The following THOC3 variants were observed in gnomAD, a reference collection of about 807,000 sequenced individuals.
THOC3 encodes the protein TEX1 homolog.
Under a neutral mutation model 23.3 loss-of-function variants are expected in THOC3, and 4 were observed. The ratio of observed to expected loss-of-function variants is 0.17; its 90% CI spans 0.08 to 0.39. The LOEUF (loss-of-function observed/expected upper bound fraction) is 0.39, where lower values mean the gene tolerates loss of function less well. Ranked by LOEUF, THOC3 falls within the 10% of genes least tolerant of loss-of-function variation. The pLI is 1.00. For synonymous variants in THOC3, 27 were observed against 141.5 expected (o/e 0.19, Z 5.74); for missense variants, 64 against 359.4 (o/e 0.18, Z 6.65).
At chr5:175,964,235 C>T in intron 3 of THOC3, among the ~76,000 whole-genome samples, 1 of 152,266 alleles carries the variant, frequency 6.6e-6, no homozygotes, top group Non-Finnish European at 1.5e-5. Flanking sequence ...GGCAAATAAA[C>T]ATGCAATTAC....
intron 2 of THOC3, among the ~76,000 whole-genome samples, chr5:175,966,697 A>G (rs1030903705): frequency 4.7e-5 from 7 of 148,800 alleles, no homozygotes; most frequent in Non-Finnish European, 8.9e-5. Flanking sequence ...CAACCATTCT[A>G]ACTCATCAGA....
intron 2 of THOC3, among the ~76,000 whole-genome samples, chr5:175,966,536 TCA>T (rs1457097560): frequency 1.4e-4 from 19 of 135,786 alleles, no homozygotes; most frequent in Admixed American, 7.5e-4. Flanking sequence ...TTTGGGTGTA[TCA>T]CAGTTATTTA....
At chr5:175,962,123 T>C (rs1168244324) in intron 3 of THOC3, among the ~76,000 whole-genome samples, 2 of 151,658 alleles carry the variant, frequency 1.3e-5, no homozygotes, top group African/African-American at 2.4e-5. Flanking sequence ...ATGGAAAGAG[T>C]ATATGCAAAA....
At position 175,962,439 on chromosome 5, in the gene THOC3, C is replaced by CACACACACACAT. The variant is rs1756680236; in HGVS notation, c.630-1006_630-1005insATGTGTGTGTGT. Among the ~76,000 whole-genome samples, 18 of 91,858 alleles carry CACACACACACAT rather than the reference C, an allele frequency of 2.0e-4. No individual in the cohort carries two copies. In the South Asian group the frequency reaches 5.4e-3, roughly 27 times the overall value. The allele number at this position is 91,858 out of a possible 152,430, so 60.3% of individuals were successfully genotyped here. Reference sequence around the variant, plus strand: ...ATATATATACACACACACACACACACACACGTAATTCCTAGGCCAACCCAG... The same window carrying CACACACACACAT: ...ATATATATACACACACACACACACACACACACACACATACACGTAATTCCTAGGCCAACCCAG... On this transcript the variant is annotated intron_variant, in intron 3 of 5. Transcript: ENST00000265097.
chr5:175,965,280 T>C (rs1756744187), intron 2 of THOC3, 125 bp from the exon 3 acceptor site: 6 of 1,413,824 alleles, frequency 4.2e-6, no homozygotes, highest in Admixed American at 4.8e-5. Context: ...TCCTAGACAA[T>C]GGAAGGGAGC....
chr5:175,960,376 C>T (rs1333988447), intron 5 of THOC3: 8 of 245,580 alleles, frequency 3.3e-5, no homozygotes, highest in Admixed American at 1.5e-4. Flanking sequence ...AGTGTCTCCG[C>T]GTCACAGGGA....
intron 3 of THOC3, among the ~76,000 whole-genome samples, chr5:175,963,943 T>A (rs1257101518): frequency 1.3e-5 from 2 of 152,308 alleles, no homozygotes; most frequent in African/African-American, 2.4e-5. Context: ...CAACCCCCCA[T>A]ATAGTATGTC....
intron 3 of THOC3, among the ~76,000 whole-genome samples, chr5:175,964,240 A>G (rs1215998047): frequency 1.3e-5 from 2 of 152,258 alleles, no homozygotes; most frequent in South Asian, 2.1e-4. Context: ...ATAAACATGC[A>G]ATTACAATAT....
intron 3 of THOC3, among the ~76,000 whole-genome samples, chr5:175,963,087 C>G (rs1756697237): frequency 6.6e-6 from 1 of 151,760 alleles, no homozygotes; most frequent in Non-Finnish European, 1.5e-5. Context: ...AAAAAAAAAA[C>G]ACCTAACTGC....
At chr5:175,962,421 T>TACACACACACACACACACACAC (rs59077860) in intron 3 of THOC3, among the ~76,000 whole-genome samples, 33 of 44,178 alleles carry the variant, frequency 7.5e-4, no homozygotes, top group African/African-American at 2.2e-3. Flanking sequence ...TATATATATA[T>TACACACACACACACACACACAC]ACACACACAC....
chr5:175,962,158 T>A (rs1321768574), intron 3 of THOC3, among the ~76,000 whole-genome samples: 2 of 151,558 alleles, frequency 1.3e-5, no homozygotes, highest in East Asian at 3.8e-4. Flanking sequence ...TTGTTTCAAG[T>A]CATCACATTG....
In THOC3 at chr5:175,967,275, A is replaced by G; in HGVS notation, c.268-8T>C. ...ATAATTGTTTTCTTTGACCTGAAAG[A>G]ACAGAATCCAGATGTGACTTCACAT... On this transcript the variant is annotated splice_polypyrimidine_tract_variant and splice_region_variant and intron_variant, in intron 1 of 5. Coordinates refer to ENST00000265097, the MANE Select transcript of THOC3 (RefSeq NM_032361.4). 3.1e-6 allele frequency: 2 copies of G among 643,048 alleles called. No individual in the cohort carries two copies. The highest frequency in any genetic ancestry group is 5.5e-6 in the Non-Finnish European group (2 of 363,948). 39.8% of individuals were successfully genotyped at this position (643,048 alleles called of 1,614,324 possible).
At chr5:175,963,363 A>G (rs376022540) in intron 3 of THOC3, among the ~76,000 whole-genome samples, 4 of 152,300 alleles carry the variant, frequency 2.6e-5, no homozygotes, top group East Asian at 3.8e-4. Context: ...TACAAAAGAC[A>G]TATCAATTTT....
chr5:175,965,205 C>T, intron 2 of THOC3, 50 bp from the exon 3 acceptor site: 1 of 1,612,406 alleles, frequency 6.2e-7, no homozygotes, highest in Non-Finnish European at 8.5e-7. Context: ...TCATAATCTT[C>T]CACAAGTTTA....
intron 3 of THOC3, among the ~76,000 whole-genome samples, chr5:175,963,016 A>T (rs1756695641): frequency 6.6e-6 from 1 of 152,384 alleles, no homozygotes; most frequent in African/African-American, 2.4e-5. Flanking sequence ...CAGGCGTAAC[A>T]ATTACAAGAG....
In THOC3 at chr5:175,965,663, G is replaced by T. The variant is rs1756751847; in HGVS notation, c.425-508C>A. Among the ~76,000 whole-genome samples the T allele has an allele frequency of 4.6e-5, 7 of 152,320 alleles. No individual in the cohort carries two copies. In the South Asian group the frequency reaches 1.4e-3, roughly 32 times the overall value. On this transcript the variant is annotated intron_variant, in intron 2 of 5. Coordinates refer to ENST00000265097, the MANE Select transcript of THOC3 (RefSeq NM_032361.4). ...GATGGTCTCGATCTCCTGACCTCGT[G>T]ATCCGCCCGCCTCGGCCTCCCAAAG...
Position 175,967,979 on chromosome 5 carries a change from T to A in THOC3, c.230A>T (p.Lys77Met), listed in dbSNP as rs754370678. The change falls in exon 1 of 6, where the codon AAG (lysine) becomes ATG (methionine). Residue 77 changes from lysine to methionine, a missense_variant. Transcript: ENST00000265097. ...CTCCAGCAAGAAGACGCTGGCCGTC[T>A]TGTCGAAGGACCCCGAGGCTAGGCG... ...GRRLASGSFD[K>M]TASVFLLEKD... 19 of 1,600,450 alleles carry A rather than the reference T, an allele frequency of 1.2e-5. No individual in the cohort carries two copies.
At chr5:175,961,780 C>T (rs1264285817) in intron 3 of THOC3, among the ~76,000 whole-genome samples, 1 of 151,830 alleles carries the variant, frequency 6.6e-6, no homozygotes, top group Non-Finnish European at 1.5e-5. Flanking sequence ...AGAAAACGAG[C>T]CAAGGATTTT....
chr5:175,964,966 C>G lies in THOC3; in HGVS notation c.614G>C (p.Cys205Ser). The change falls in exon 3 of 6, where the codon TGT becomes TCT. Residue 205 changes from cysteine to serine, a missense_variant. Transcript: ENST00000265097. ...NMFFLTNGNG[C>S]INILSYPELK... ...ACCCCCTCACCTGAGGATGTTGATA[C>G]AACCATTGCCATTTGTCAGGAAGAA... The G allele has an allele frequency of 1.6e-6, 2 of 1,270,896 alleles. No homozygotes were observed. Among genetic ancestry groups the G allele is most frequent in the Non-Finnish European group, 2.2e-6 (2 of 898,360 alleles). The allele number at this position is 1,270,896 out of a possible 1,614,324, so 78.7% of individuals were successfully genotyped here.
Sources: gnomAD v4.1 joint callset for allele counts (sites outside exome capture counted in the v4.1 genomes callset) on GRCh38, gnomAD v4.1.1 for gene constraint, MANE v1.5 for transcripts, NCBI Gene and HGNC (gene_info 2026-07-23, HGNC 2026-07-21) for gene names.